IGLL1: variants seen among roughly 807,000 people sequenced by gnomAD.
The protein encoded by IGLL1 is immunoglobulin lambda-like polypeptide 1.
In IGLL1, 10 loss-of-function variants were observed where a neutral mutation model predicts 10.5. That is an observed-to-expected ratio of 0.95 (90% CI 0.59 to 1.62). IGLL1 has a LOEUF of 1.62. Among genes scored for constraint, IGLL1 ranks in the 40% most tolerant of loss-of-function variants. IGLL1 has a pLI of 0.00. For synonymous variants in IGLL1, 141 were observed against 122.7 expected (o/e 1.15, Z -0.99); for missense variants, 284 against 278.7 (o/e 1.02, Z -0.14).
chr22:23,575,814 G>A (rs1328029597), intron 1 of IGLL1, among the ~76,000 whole-genome samples: 2 of 152,302 alleles, frequency 1.3e-5, no homozygotes, highest in East Asian at 3.9e-4. Flanking sequence ...TGTACCTGGT[G>A]TCTCCGCTGG....
rs1441278326 is a variant in IGLL1 at position 23,574,949 on chromosome 22, G to C, written c.322+18C>G. 1 of 1,521,262 alleles carries C rather than the reference G, an allele frequency of 6.6e-7. No homozygotes were observed. Among genetic ancestry groups the C allele is most frequent in the African/African-American group, 1.4e-5 (1 of 72,706 alleles). 94.2% of individuals were successfully genotyped at this position (1,521,262 alleles called of 1,614,324 possible). A position where few individuals can be genotyped will look rare whatever the true frequency, so the allele number is the denominator to read the frequency against. ...GACAGGAGAGGGTGGGACAGCCTGG[G>C]AAGTTAGAGCCACTTACTTAAAACG... On this transcript the variant is annotated intron_variant, in intron 2 of 2. Transcript: ENST00000330377.
intron 1 of IGLL1, among the ~76,000 whole-genome samples, chr22:23,578,183 A>G (rs146975681): frequency 6.6e-6 from 1 of 152,276 alleles, no homozygotes; most frequent in Non-Finnish European, 1.5e-5. Flanking sequence ...CACCCGGCCC[A>G]TAGTATTTCT....
At chr22:23,576,441 T>G (rs1177561937) in intron 1 of IGLL1, among the ~76,000 whole-genome samples, 4 of 151,920 alleles carry the variant, frequency 2.6e-5, no homozygotes, top group African/African-American at 7.2e-5. Flanking sequence ...TTTCCTTTTA[T>G]TTTTTTGAAA....
chr22:23,575,154 G>T, intron 1 of IGLL1, 72 bp from the exon 2 acceptor site: 1 of 1,052,946 alleles, frequency 9.5e-7, no homozygotes, highest in Non-Finnish European at 1.5e-6. Flanking sequence ...GGGGTGGCCA[G>T]TGTCCCAGTA....
rs1380305183 is a variant in IGLL1, at chr22:23,578,851, T to C, written c.206+1134A>G. 3.3e-5 allele frequency among the ~76,000 whole-genome samples: 5 copies of C among 151,902 alleles called. No homozygotes were observed. The East Asian group carries it at 9.7e-4, about 29-fold the overall frequency. ...GGCAGATGCCTGTAATCCCAGCTAC[T>C]CCGGAAGCTGAGGCAGGAGAATGTC... On this transcript the variant is annotated intron_variant, in intron 1 of 2. Coordinates refer to ENST00000330377, the MANE Select transcript of IGLL1 (RefSeq NM_020070.4).
intron 1 of IGLL1, 150 bp from the exon 2 acceptor site, chr22:23,575,232 C>T: frequency 1.4e-6 from 1 of 736,044 alleles, no homozygotes; most frequent in Non-Finnish European, 2.5e-6. Flanking sequence ...CGTGTGTCCC[C>T]CTCTCTGAAA....
At chr22:23,575,614 C>T (rs2123698972) in intron 1 of IGLL1, among the ~76,000 whole-genome samples, 2 of 152,292 alleles carry the variant, frequency 1.3e-5, no homozygotes, top group South Asian at 4.1e-4. Context: ...ATCTATTCAT[C>T]TGTCTTTGCA....
intron 2 of IGLL1, among the ~76,000 whole-genome samples, chr22:23,574,351 T>C (rs1326939844): frequency 1.3e-5 from 2 of 152,138 alleles, no homozygotes; most frequent in East Asian, 1.9e-4. Context: ...ATGACAGGGC[T>C]CCAGGGACAG....
Position 23,573,135 on chromosome 22 carries a change from A to C in IGLL1, c.*131T>G. The C allele has an allele frequency of 1.3e-6, 1 of 766,300 alleles. No individual in the cohort carries two copies. The highest frequency in any genetic ancestry group is 1.7e-5 in the South Asian group (1 of 59,442). 47.5% of individuals were successfully genotyped at this position (766,300 alleles called of 1,614,324 possible). The stretch of plus-strand genomic sequence containing the variant: ...AGAGAGGGAGCAGGATTTCTGGTTG[A>C]CAAAGAGGGTATTTATTTAGGGTTT... On this transcript the variant is annotated 3_prime_UTR_variant, in exon 3 of 3. Coordinates refer to ENST00000330377, the MANE Select transcript of IGLL1 (RefSeq NM_020070.4).
chr22:23,580,148 C>CA lies in IGLL1; in HGVS notation c.42dup (p.Glu15Ter), dbSNP rs769931614. On this transcript the variant is annotated frameshift_variant, in exon 1 of 3. Transcript: ENST00000330377. LOFTEE classifies it high-confidence loss of function. ...CGCTGCCTGAGGTTGGGGCCTGGCT[C>CA]ACCAGGGGCCTCAAGGCCCCCCTGG... 2 of 1,553,454 alleles carry CA rather than the reference C, an allele frequency of 1.3e-6. No individual in the cohort carries two copies. Among genetic ancestry groups the CA allele is most frequent in the East Asian group, 2.4e-5 (1 of 42,214 alleles).
intron 1 of IGLL1, among the ~76,000 whole-genome samples, chr22:23,576,523 T>G (rs1925075876): frequency 6.6e-6 from 1 of 152,038 alleles, no homozygotes; most frequent in African/African-American, 2.4e-5. Context: ...CTCCACATCC[T>G]GGGTTCAAGC....
intron 1 of IGLL1, among the ~76,000 whole-genome samples, chr22:23,577,946 G>A (rs1261290556): frequency 3.3e-5 from 5 of 150,402 alleles, no homozygotes; most frequent in Non-Finnish European, 5.9e-5. Flanking sequence ...GTGCAGCGGT[G>A]CAATCTCAGC....
Position 23,573,336 on chromosome 22 carries a change from C to G in IGLL1, c.572G>C (p.Ser191Thr), listed in dbSNP as rs1479859543. The G allele has an allele frequency of 1.2e-6, 2 of 1,613,996 alleles. 1 individual carries two copies. Among genetic ancestry groups the G allele is most frequent in the African/African-American group, 2.7e-5 (2 of 74,906 alleles). The part of the protein sequence containing the change: ...LTPEQWRSRR[S>T]YSCQVMHEGS... ...TTCGTGCATGACCTGGCAGCTGTAGCTTCTGCGGGACCTCCACTGCTCGGG... is the reference window on the plus strand; with the variant it reads ...TTCGTGCATGACCTGGCAGCTGTAGGTTCTGCGGGACCTCCACTGCTCGGG... Residue 191 changes from serine (S) to threonine (T), a missense_variant, in exon 3 of 3, where the codon AGC becomes ACC. Physicochemically the swap from Ser to Thr is moderately conservative, Grantham distance 58 (BLOSUM62 1). Transcript: ENST00000330377.
At chr22:23,578,349 C>T (rs1374981271) in intron 1 of IGLL1, among the ~76,000 whole-genome samples, 1 of 152,198 alleles carries the variant, frequency 6.6e-6, no homozygotes, top group Non-Finnish European at 1.5e-5. Context: ...GTAGGCATCA[C>T]CCTGCATGTG....
chr22:23,575,915 C>T (rs1925036221), intron 1 of IGLL1, among the ~76,000 whole-genome samples: 1 of 151,380 alleles, frequency 6.6e-6, no homozygotes, highest in South Asian at 2.1e-4. Context: ...ATCTGTTTCT[C>T]CATGGCCCAT....
rs771552908 is a variant in IGLL1 at position 23,573,301 on chromosome 22, C to T, written c.607G>A (p.Val203Met). ...TCTGCAGGGGCCACCGTCTTCTCCA[C>T]GGTGCTCCCTTCGTGCATGACCTGG... ...SCQVMHEGSTVEKTVAPAECS is the reference protein window; with the variant it reads ...SCQVMHEGSTMEKTVAPAECS Residue 203 changes from valine (V) to methionine (M), a missense_variant, in exon 3 of 3, where the codon GTG becomes ATG. Physicochemically the swap from Val to Met is conservative, Grantham distance 21 (BLOSUM62 1). Transcript: ENST00000330377. 1.7e-5 allele frequency: 28 copies of T among 1,613,838 alleles called. No homozygotes were observed. Among genetic ancestry groups the T allele is most frequent in the East Asian group, 1.3e-4 (6 of 44,854 alleles).
intron 1 of IGLL1, among the ~76,000 whole-genome samples, chr22:23,578,291 G>A (rs999600915): frequency 2.0e-5 from 3 of 152,024 alleles, no homozygotes; most frequent in Non-Finnish European, 2.9e-5. Flanking sequence ...CCTGTCACCC[G>A]TCCCTTGTGG....
rs566614188 is a variant in IGLL1, at chr22:23,577,334, T to C, written c.207-2252A>G. On this transcript the variant is annotated intron_variant, in intron 1 of 2. Coordinates refer to ENST00000330377, the MANE Select transcript of IGLL1 (RefSeq NM_020070.4). ...CAGGGATATTGCTTGAGCCCAGCAG[T>C]TGGAGGCCAGCCCAGGCAACATAGT... Among the ~76,000 whole-genome samples the C allele has an allele frequency of 7.2e-5, 11 of 152,166 alleles. No homozygotes were observed. The East Asian group carries it at 2.1e-3, about 29-fold the overall frequency.
At chr22:23,575,860 CT>C (rs1274395744) in intron 1 of IGLL1, among the ~76,000 whole-genome samples, 1 of 152,202 alleles carries the variant, frequency 6.6e-6, no homozygotes, top group African/African-American at 2.4e-5. Context: ...TCCAGTGACT[CT>C]TTTCCCCTTG....
Sources: gnomAD v4.1 joint callset for allele counts (sites outside exome capture counted in the v4.1 genomes callset) on GRCh38, gnomAD v4.1.1 for gene constraint, MANE v1.5 for transcripts, NCBI Gene and HGNC (gene_info 2026-07-23, HGNC 2026-07-21) for gene names.